OLA1: variants seen among roughly 807,000 people sequenced by gnomAD.
OLA1 encodes Obg like ATPase 1, also known as obg-like ATPase 1.
A neutral mutation model predicts 48.4 loss-of-function variants in OLA1; 14 were observed. The observed-to-expected ratio is 0.29, with a 90% CI of 0.19 to 0.45. The LOEUF (loss-of-function observed/expected upper bound fraction) is 0.45, where lower values mean the gene tolerates loss of function less well. Among genes scored for constraint, OLA1 ranks in the 20% least tolerant of loss-of-function variants. The probability of loss-of-function intolerance (pLI) is 1.00; values close to 1 mark genes in which losing one functional copy is unlikely to be tolerated. For missense variants in OLA1, 325 were observed against 467.1 expected, an observed-to-expected ratio of 0.70 and a Z score of 2.80; for synonymous variants, 127 against 150.4, an observed-to-expected ratio of 0.84 and a Z score of 1.14.
intron 4 of OLA1, among the ~76,000 whole-genome samples, chr2:174,193,833 T>C (rs965796401): frequency 1.3e-5 from 2 of 152,132 alleles, no homozygotes; most frequent in African/African-American, 4.8e-5. Flanking sequence ...AGTTTGATGG[T>C]GAGAAATGGT....
chr2:174,163,743 T>A lies in OLA1; in HGVS notation c.374-21743A>T, dbSNP rs1237123331. On this transcript the variant is annotated intron_variant, in intron 4 of 10. Coordinates refer to ENST00000284719, the MANE Select transcript of OLA1 (RefSeq NM_013341.5). ...ATATATATATATATATATATATATA[T>A]ATATATATATATATATATATATATA... 9.7e-4 allele frequency among the ~76,000 whole-genome samples: 42 copies of A among 43,340 alleles called. 3 individuals carry two copies. Among genetic ancestry groups the A allele is most frequent in the Non-Finnish European group, 1.4e-3 (32 of 22,452 alleles). 28.4% of individuals were successfully genotyped at this position (43,340 alleles called of 152,430 possible). A position where few individuals can be genotyped will look rare whatever the true frequency, so the allele number is the denominator to read the frequency against.
chr2:174,095,620 T>C (rs1685237549), intron 7 of OLA1, among the ~76,000 whole-genome samples: 1 of 152,116 alleles, frequency 6.6e-6, no homozygotes, highest in South Asian at 2.1e-4. Context: ...AGTCAACAAA[T>C]GGTGCTTAGA....
At chr2:174,132,070 TTC>T (rs778866818) in intron 5 of OLA1, among the ~76,000 whole-genome samples, 22 of 152,056 alleles carry the variant, frequency 1.4e-4, no homozygotes, top group Non-Finnish European at 3.2e-4. Flanking sequence ...CATTTTTTAT[TTC>T]TTTTTACACT....
At chr2:174,243,070 G>A (rs1195838221) in intron 2 of OLA1, among the ~76,000 whole-genome samples, 2 of 151,834 alleles carry the variant, frequency 1.3e-5, no homozygotes, top group East Asian at 1.9e-4. Flanking sequence ...GTGCAGTGGC[G>A]CGATCTCAGC....
intron 4 of OLA1, among the ~76,000 whole-genome samples, chr2:174,217,097 A>T (rs1486103194): frequency 6.6e-6 from 1 of 152,216 alleles, no homozygotes; most frequent in Non-Finnish European, 1.5e-5. Context: ...AGTTTAACAA[A>T]TTCTGTAACT....
Position 174,099,938 on chromosome 2 carries a change from G to T in OLA1, c.729-17874C>A, listed in dbSNP as rs187351472. Among the ~76,000 whole-genome samples, 533 of 152,154 alleles carry T rather than the reference G, an allele frequency of 3.5e-3. 1 individual carries two copies. Among genetic ancestry groups the T allele is most frequent in the African/African-American group, 0.012 (507 of 41,524 alleles). On this transcript the variant is annotated intron_variant, in intron 7 of 10. Transcript: ENST00000284719. ...ATCTTATCTTTCCATTGTAATCAAAGAAATAAAATGAAAACAATATATCAC... is the reference window on the plus strand; with the variant it reads ...ATCTTATCTTTCCATTGTAATCAAATAAATAAAATGAAAACAATATATCAC...
chr2:174,109,740 AG>A (rs1685603941), intron 7 of OLA1, among the ~76,000 whole-genome samples: 1 of 152,162 alleles, frequency 6.6e-6, no homozygotes, highest in Non-Finnish European at 1.5e-5. Context: ...AATAAGACTC[AG>A]GAAAAAAAAA....
intron 4 of OLA1, among the ~76,000 whole-genome samples, chr2:174,214,724 T>A (rs992891179): frequency 1.3e-5 from 2 of 152,146 alleles, no homozygotes; most frequent in Non-Finnish European, 2.9e-5. Context: ...AGTTCAAAAT[T>A]TAGTTTGGTT....
At chr2:174,222,923 G>C in intron 4 of OLA1, 110 bp downstream of exon 4, 1 of 1,152,500 alleles carries the variant, frequency 8.7e-7, no homozygotes, top group Non-Finnish European at 1.2e-6. Context: ...AGATTCATCT[G>C]GTAAAGCAAA....
chr2:174,246,398 G>A (rs1375149247), intron 2 of OLA1, among the ~76,000 whole-genome samples: 1 of 151,846 alleles, frequency 6.6e-6, no homozygotes, highest in Non-Finnish European at 1.5e-5. Context: ...AACCTTTTAC[G>A]ATTTCCACTA....
intron 4 of OLA1, among the ~76,000 whole-genome samples, chr2:174,186,010 C>G (rs1687649702): frequency 6.6e-6 from 1 of 151,678 alleles, no homozygotes; most frequent in African/African-American, 2.4e-5. Context: ...TTTACAATAC[C>G]AACAAAAAAG....
chr2:174,218,149 ACCAGCATGTG>A (rs1157399555), intron 4 of OLA1, among the ~76,000 whole-genome samples: 1 of 152,180 alleles, frequency 6.6e-6, no homozygotes, highest in African/African-American at 2.4e-5. Context: ...AGCTAGGATT[ACCAGCATGTG>A]CCACTGCAAC....
chr2:174,189,138 C>T (rs1687721076), intron 4 of OLA1, among the ~76,000 whole-genome samples: 1 of 151,942 alleles, frequency 6.6e-6, no homozygotes, highest in African/African-American at 2.4e-5. Context: ...AACCAAAGAG[C>T]TGTTTTCAAA....
intron 4 of OLA1, among the ~76,000 whole-genome samples, chr2:174,150,128 T>TCA (rs1686709648): frequency 6.6e-6 from 1 of 152,188 alleles, no homozygotes; most frequent in Admixed American, 6.5e-5. Context: ...AATGCAGCAG[T>TCA]GTTGAGAAGT....
chr2:174,238,494 CAAAAAAAAAAA>C (rs34395720), intron 2 of OLA1, among the ~76,000 whole-genome samples: 1 of 106,686 alleles, frequency 9.4e-6, no homozygotes, highest in Admixed American at 9.9e-5. Flanking sequence ...ACTCTATGTC[CAAAAAAAAAAA>C]AAAAAAAAGA....
intron 4 of OLA1, among the ~76,000 whole-genome samples, chr2:174,201,046 G>A (rs1326949489): frequency 6.6e-6 from 1 of 152,148 alleles, no homozygotes; most frequent in Non-Finnish European, 1.5e-5. Context: ...TCTGACTAAA[G>A]ATGATCTCTC....
At chr2:174,222,437 C>T (rs1688526462) in intron 4 of OLA1, among the ~76,000 whole-genome samples, 1 of 152,046 alleles carries the variant, frequency 6.6e-6, no homozygotes, top group Admixed American at 6.6e-5. Flanking sequence ...ACAGCCTTGA[C>T]CTAAGCCTTA....
intron 4 of OLA1, 95 bp downstream of exon 4, chr2:174,222,938 T>A: frequency 7.7e-7 from 1 of 1,291,006 alleles, no homozygotes; most frequent in Non-Finnish European, 1.1e-6. Context: ...AGCAAAGCAA[T>A]CTTCCATTAG....
At chr2:174,151,507 A>T (rs1686745359) in intron 4 of OLA1, among the ~76,000 whole-genome samples, 1 of 152,214 alleles carries the variant, frequency 6.6e-6, no homozygotes, top group Non-Finnish European at 1.5e-5. Context: ...TCCCACCACA[A>T]TCATTCAGAG....
Sources: gnomAD v4.1 joint callset for allele counts (sites outside exome capture counted in the v4.1 genomes callset) on GRCh38, gnomAD v4.1.1 for gene constraint, MANE v1.5 for transcripts, NCBI Gene and HGNC (gene_info 2026-07-23, HGNC 2026-07-21) for gene names.